The following TBL1XR1 variants were observed in gnomAD, a reference collection of about 807,000 sequenced individuals.
TBL1XR1 encodes F-box-like/WD repeat-containing protein TBL1XR1.
Under a neutral mutation model 66.9 loss-of-function variants are expected in TBL1XR1, and 5 were observed. The ratio of observed to expected loss-of-function variants is 0.07; its 90% CI spans 0.04 to 0.16. The LOEUF is 0.16. Ranked by LOEUF, TBL1XR1 falls within the 10% of genes least tolerant of loss-of-function variation. The probability of loss-of-function intolerance (pLI) is 1.00; values close to 1 mark genes in which losing one functional copy is unlikely to be tolerated. For synonymous variants in TBL1XR1, 210 were observed against 206.0 expected (o/e 1.02, Z -0.17); for missense variants, 238 against 623.2 (o/e 0.38, Z 6.58).
chr3:177,174,394 G>A (rs1000698039), intron 1 of TBL1XR1, among the ~76,000 whole-genome samples: 1 of 128,182 alleles, frequency 7.8e-6, no homozygotes, highest in Non-Finnish European at 1.6e-5. Flanking sequence ...GGGTGACAGA[G>A]CGAGACTCCA....
chr3:177,122,459 A>G (rs115025440), intron 1 of TBL1XR1, among the ~76,000 whole-genome samples: 96 of 152,220 alleles, frequency 6.3e-4, no homozygotes, highest in African/African-American at 2.3e-3. Flanking sequence ...AAATCCCTTA[A>G]CATTATCATG....
In TBL1XR1 at chr3:177,023,260, A is replaced by C. The variant is rs1309757265; in HGVS notation, c.*2238T>G. ...CATCACTAAAGGAAAATGCAGCTTA[A>C]AAGATACTCAAAACATTTGTGTCTA... is the stretch of plus-strand genomic sequence containing the variant. On this transcript the variant is annotated 3_prime_UTR_variant, in exon 16 of 16. Coordinates refer to ENST00000457928, the MANE Select transcript of TBL1XR1 (RefSeq NM_024665.7). 2 of 152,576 alleles carry C rather than the reference A, an allele frequency of 1.3e-5. No individual in the cohort carries two copies. The highest frequency in any genetic ancestry group is 4.8e-5 in the African/African-American group (2 of 41,454). The allele number at this position is 152,576 out of a possible 1,614,324, so 9.5% of individuals were successfully genotyped here.
intron 1 of TBL1XR1, among the ~76,000 whole-genome samples, chr3:177,123,018 T>C (rs1727166770): frequency 6.6e-6 from 1 of 152,128 alleles, no homozygotes; most frequent in African/African-American, 2.4e-5. Context: ...CATTTTGTCT[T>C]GTGTCGCACA....
At chr3:177,098,154 G>C (rs982934950) in intron 2 of TBL1XR1, among the ~76,000 whole-genome samples, 10 of 152,170 alleles carry the variant, frequency 6.6e-5, no homozygotes, top group African/African-American at 1.9e-4. Flanking sequence ...GGAGGTTGCA[G>C]TGAGCGGAGA....
At chr3:177,107,144 A>G (rs999352313) in intron 1 of TBL1XR1, among the ~76,000 whole-genome samples, 1 of 152,194 alleles carries the variant, frequency 6.6e-6, no homozygotes, top group Non-Finnish European at 1.5e-5. Context: ...GATAATTACT[A>G]AACTGAAAAC....
At chr3:177,166,619 G>A (rs779910424) in intron 1 of TBL1XR1, among the ~76,000 whole-genome samples, 1 of 152,124 alleles carries the variant, frequency 6.6e-6, no homozygotes, top group African/African-American at 2.4e-5. Context: ...AGAAGTGCCT[G>A]CTTCCCCTTC....
intron 1 of TBL1XR1, among the ~76,000 whole-genome samples, chr3:177,150,187 T>C (rs920266338): frequency 1.3e-5 from 2 of 152,164 alleles, no homozygotes; most frequent in South Asian, 4.1e-4. Context: ...ACCTTCTTAA[T>C]TGTCTTCCCC....
intron 1 of TBL1XR1, among the ~76,000 whole-genome samples, chr3:177,166,582 T>G (rs1195967579): frequency 6.6e-6 from 1 of 152,128 alleles, no homozygotes; most frequent in Non-Finnish European, 1.5e-5. Flanking sequence ...TTCTCTTCCT[T>G]CACACTCTCT....
chr3:177,191,887 G>T (rs1310015249), intron 1 of TBL1XR1, among the ~76,000 whole-genome samples: 1 of 144,172 alleles, frequency 6.9e-6, no homozygotes, highest in Non-Finnish European at 1.5e-5. Context: ...GCGGTCAGGA[G>T]TTCGAGACCA....
intron 2 of TBL1XR1, among the ~76,000 whole-genome samples, chr3:177,096,263 T>C (rs1577151504): frequency 6.6e-6 from 1 of 152,058 alleles, no homozygotes; most frequent in Non-Finnish European, 1.5e-5. Context: ...TTCAGTGTCC[T>C]TAGCTAGACT....
At chr3:177,087,065 A>G (rs987093024) in intron 2 of TBL1XR1, 3 of 145,136 alleles carry the variant, frequency 2.1e-5, no homozygotes, top group Admixed American at 7.0e-5. Flanking sequence ...GAGGTAGAAG[A>G]GGTGGAAGGA....
At chr3:177,035,658 C>T (rs767405925) in intron 12 of TBL1XR1, among the ~76,000 whole-genome samples, 3 of 152,148 alleles carry the variant, frequency 2.0e-5, no homozygotes, top group Non-Finnish European at 2.9e-5. Flanking sequence ...AAGTGAACTG[C>T]CCACGTCGGC....
chr3:177,171,702 CAAAAAAAA>C lies in TBL1XR1; in HGVS notation c.-122+25411_-122+25418del, dbSNP rs34278942. Among the ~76,000 whole-genome samples the C allele has an allele frequency of 7.6e-4, 36 of 47,296 alleles. 1 individual carries two copies. The highest frequency in any genetic ancestry group is 0.02 in the Middle Eastern group (1 of 50). The allele number at this position is 47,296 out of a possible 152,430, so 31.0% of individuals were successfully genotyped here. On this transcript the variant is annotated intron_variant, in intron 1 of 15. Coordinates refer to ENST00000457928, the MANE Select transcript of TBL1XR1 (RefSeq NM_024665.7). ...TGGGCAACAGAGCCAGACTCCGTCT[CAAAAAAAA>C]AAAAAAAAAAAAAAAAAGTTTGCTG...
chr3:177,149,104 G>A (rs1730587575), intron 1 of TBL1XR1, among the ~76,000 whole-genome samples: 1 of 152,168 alleles, frequency 6.6e-6, no homozygotes. Context: ...TCAGTCCCAA[G>A]ACGGCAGACA....
At position 177,135,408 on chromosome 3, in the gene TBL1XR1, G is replaced by T. The variant is rs1404156244; in HGVS notation, c.-121-36867C>A. Among the ~76,000 whole-genome samples, 3 of 132,998 alleles carry T rather than the reference G, an allele frequency of 2.3e-5. No individual in the cohort carries two copies. The East Asian group carries it at 6.4e-4, about 29-fold the overall frequency. The allele number at this position is 132,998 out of a possible 152,430, so 87.3% of individuals were successfully genotyped here. On this transcript the variant is annotated intron_variant, in intron 1 of 15. Transcript: ENST00000457928. ...GTATGTATTTTTTTTTTAAGAGACGGAGTCTTGCTCTGTCGCCCAGGCTGG... is the reference window on the plus strand; with the variant it reads ...GTATGTATTTTTTTTTTAAGAGACGTAGTCTTGCTCTGTCGCCCAGGCTGG...
chr3:177,166,612 AGT>A lies in TBL1XR1; in HGVS notation c.-122+30507_-122+30508del, dbSNP rs147723951. Among the ~76,000 whole-genome samples, 693 of 152,296 alleles carry A rather than the reference AGT, an allele frequency of 4.6e-3. 6 individuals are homozygous for A. Among genetic ancestry groups the A allele is most frequent in the African/African-American group, 0.014 (596 of 41,554 alleles). ...CTCTCTTGCTTGCTGCCATGTTAGA[AGT>A]GCCTGCTTCCCCTTCTGCCATGATT... On this transcript the variant is annotated intron_variant, in intron 1 of 15. Transcript: ENST00000457928.
At chr3:177,189,400 C>T (rs1236498040) in intron 1 of TBL1XR1, among the ~76,000 whole-genome samples, 1 of 151,876 alleles carries the variant, frequency 6.6e-6, no homozygotes, top group Non-Finnish European at 1.5e-5. Flanking sequence ...GCCTGTTAGT[C>T]CCAGCAATTT....
intron 1 of TBL1XR1, among the ~76,000 whole-genome samples, chr3:177,182,357 C>A (rs1191146203): frequency 1.3e-5 from 2 of 152,296 alleles, no homozygotes; most frequent in East Asian, 1.9e-4. Context: ...TGCCCTCCAG[C>A]CTGGGTGACA....
chr3:177,084,098 AAAAAG>A (rs1246584372), intron 2 of TBL1XR1, among the ~76,000 whole-genome samples: 13 of 150,582 alleles, frequency 8.6e-5, no homozygotes, highest in Admixed American at 2.7e-4. Flanking sequence ...AAAAAAAAAA[AAAAAG>A]AAAAAAGAAA....
Sources: allele counts gnomAD v4.1 joint callset (sites outside exome capture counted in the v4.1 genomes callset), GRCh38; gene constraint gnomAD v4.1.1; transcripts MANE v1.5; gene names NCBI Gene and HGNC (gene_info 2026-07-23, HGNC 2026-07-21).